The following ERC2 variants were observed in gnomAD, a reference collection of about 807,000 sequenced individuals.
The protein encoded by ERC2 is ELKS/RAB6-interacting/CAST family member 2.
In ERC2, 42 loss-of-function variants were observed where a neutral mutation model predicts 114.8. The ratio of observed to expected loss-of-function variants is 0.37; its 90% CI spans 0.29 to 0.47. The LOEUF (loss-of-function observed/expected upper bound fraction) is 0.47, where lower values mean the gene tolerates loss of function less well. Ranked by LOEUF, ERC2 falls within the 20% of genes least tolerant of loss-of-function variation. The pLI is 0.99. For synonymous variants in ERC2, 454 were observed against 425.5 expected, an observed-to-expected ratio of 1.07 and a Z score of -0.82; for missense variants, 939 against 1,150.7, an observed-to-expected ratio of 0.82 and a Z score of 2.66.
At chr3:55,549,466 T>C (rs1418946452) in intron 17 of ERC2, among the ~76,000 whole-genome samples, 1 of 145,936 alleles carries the variant, frequency 6.9e-6, no homozygotes, top group Non-Finnish European at 1.5e-5. Context: ...GCGGAGCAAA[T>C]GCCGCCTTAC....
chr3:56,048,228 AG>A (rs2075577087), intron 7 of ERC2, among the ~76,000 whole-genome samples: 1 of 152,228 alleles, frequency 6.6e-6, no homozygotes, highest in African/African-American at 2.4e-5. Context: ...CAGAGGGGGC[AG>A]GAAGAAGCTA....
intron 4 of ERC2, among the ~76,000 whole-genome samples, chr3:56,153,231 T>C (rs2081523174): frequency 6.6e-6 from 1 of 152,128 alleles, no homozygotes. Flanking sequence ...AGATACCAGG[T>C]AGATCTCAAG....
intron 13 of ERC2, among the ~76,000 whole-genome samples, chr3:55,893,042 T>C (rs532362829): frequency 1.3e-4 from 20 of 152,218 alleles, no homozygotes; most frequent in Middle Eastern, 6.8e-3. Flanking sequence ...AGTCTGTATG[T>C]CCCCTTTCAC....
intron 16 of ERC2, among the ~76,000 whole-genome samples, chr3:55,696,845 T>C (rs9825464): frequency 0.04 from 6,137 of 152,250 alleles, 381 homozygotes; most frequent in African/African-American, 0.13. Flanking sequence ...CAACCTACTC[T>C]CACACTAGGG....
intron 17 of ERC2, among the ~76,000 whole-genome samples, chr3:55,604,652 T>G (rs1311883456): frequency 6.6e-6 from 1 of 152,130 alleles, no homozygotes; most frequent in African/African-American, 2.4e-5. Context: ...GCTAAGCATT[T>G]ACGTTTATTA....
Position 56,018,883 on chromosome 3 carries a change from T to C in ERC2, c.1779+11A>G. The C allele has an allele frequency of 1.9e-6, 3 of 1,608,500 alleles. No homozygotes were observed. The highest frequency in any genetic ancestry group is 2.5e-6 in the Non-Finnish European group (3 of 1,178,112). On this transcript the variant is annotated intron_variant, in intron 8 of 17. Coordinates refer to ENST00000288221, the MANE Select transcript of ERC2 (RefSeq NM_015576.3). ...ATATCCTGATTCCCCAGTTTTTGAG[T>C]GCATGCTCACCTTCTCTGACAGAGC...
intron 17 of ERC2, among the ~76,000 whole-genome samples, chr3:55,543,219 G>A (rs533404951): frequency 3.3e-5 from 5 of 152,328 alleles, no homozygotes; most frequent in Admixed American, 2.6e-4. Flanking sequence ...TCGGATGGGG[G>A]CAGCAGCAAA....
At chr3:55,858,211 A>G (rs1320733225) in intron 14 of ERC2, among the ~76,000 whole-genome samples, 1 of 152,222 alleles carries the variant, frequency 6.6e-6, no homozygotes, top group Non-Finnish European at 1.5e-5. Context: ...ATTAGTTTGA[A>G]CTAATATGAG....
At chr3:55,918,223 G>T (rs1389210666) in intron 13 of ERC2, among the ~76,000 whole-genome samples, 1 of 152,088 alleles carries the variant, frequency 6.6e-6, no homozygotes, top group Non-Finnish European at 1.5e-5. Flanking sequence ...ATCTGGAAAT[G>T]TAATGTATAT....
At chr3:56,380,638 T>G (rs1025635164) in intron 2 of ERC2, among the ~76,000 whole-genome samples, 2 of 152,176 alleles carry the variant, frequency 1.3e-5, no homozygotes, top group African/African-American at 4.8e-5. Context: ...TCAAACTCAA[T>G]ACAAACATCC....
chr3:56,082,197 A>G (rs1374355160), intron 6 of ERC2, among the ~76,000 whole-genome samples: 1 of 152,172 alleles, frequency 6.6e-6, no homozygotes, highest in Non-Finnish European at 1.5e-5. Flanking sequence ...AATCCCCAAT[A>G]CAATAATATT....
At chr3:55,815,128 C>T (rs1434600463) in intron 14 of ERC2, among the ~76,000 whole-genome samples, 1 of 152,124 alleles carries the variant, frequency 6.6e-6, no homozygotes, top group Non-Finnish European at 1.5e-5. Context: ...AGAGCAGCCA[C>T]CAGTAATGCT....
chr3:56,224,646 G>T (rs879561704), intron 3 of ERC2, among the ~76,000 whole-genome samples: 1 of 152,018 alleles, frequency 6.6e-6, no homozygotes, highest in Non-Finnish European at 1.5e-5. Flanking sequence ...ACTGAAACAC[G>T]GGTCAAGGCT....
intron 2 of ERC2, among the ~76,000 whole-genome samples, chr3:56,403,435 A>ATCC (rs140640439): frequency 1.9e-3 from 287 of 152,362 alleles, no homozygotes; most frequent in Non-Finnish European, 3.2e-3. Flanking sequence ...CTCAATAGCC[A>ATCC]GAAGCGGCAG....
At chr3:55,548,387 ATGTAAATAG>A (rs1457211025) in intron 17 of ERC2, among the ~76,000 whole-genome samples, 1 of 152,202 alleles carries the variant, frequency 6.6e-6, no homozygotes, top group Non-Finnish European at 1.5e-5. Flanking sequence ...GTTACAGGAG[ATGTAAATAG>A]TGTGGCTTGA....
Position 55,508,816 on chromosome 3 carries a change from T to C in ERC2, c.*2500A>G, listed in dbSNP as rs1005225900. ...ACAAAATTGAGACTGTACATCGAAA[T>C]CAAATGGGGTATAAAGCACAAGCCT... On this transcript the variant is annotated 3_prime_UTR_variant, in exon 18 of 18. Coordinates refer to ENST00000288221, the MANE Select transcript of ERC2 (RefSeq NM_015576.3). The C allele has an allele frequency of 2.6e-5, 4 of 152,344 alleles. No individual in the cohort carries two copies. Among genetic ancestry groups the C allele is most frequent in the Admixed American group, 2.6e-4 (4 of 15,248 alleles). 9.4% of individuals were successfully genotyped at this position (152,344 alleles called of 1,614,324 possible). A position where few individuals can be genotyped will look rare whatever the true frequency, so the allele number is the denominator to read the frequency against.
chr3:55,899,485 T>A (rs1576093254), intron 13 of ERC2, among the ~76,000 whole-genome samples: 1 of 152,124 alleles, frequency 6.6e-6, no homozygotes, highest in East Asian at 1.9e-4. Context: ...ACAAAAATTA[T>A]GGAATACGTG....
chr3:56,211,563 T>C (rs1379162769), intron 3 of ERC2, among the ~76,000 whole-genome samples: 1 of 151,664 alleles, frequency 6.6e-6, no homozygotes, highest in Non-Finnish European at 1.5e-5. Flanking sequence ...CCCATCAAAA[T>C]ACCACCAGCA....
intron 14 of ERC2, among the ~76,000 whole-genome samples, chr3:55,785,374 G>A (rs978518523): frequency 2.6e-5 from 4 of 152,166 alleles, no homozygotes; most frequent in Non-Finnish European, 4.4e-5. Flanking sequence ...AAGGTTTCAA[G>A]GTTTCTGCCA....
Sources: allele counts gnomAD v4.1 joint callset (sites outside exome capture counted in the v4.1 genomes callset), GRCh38; gene constraint gnomAD v4.1.1; transcripts MANE v1.5; gene names NCBI Gene and HGNC (gene_info 2026-07-23, HGNC 2026-07-21).